PRIM1: variants seen among roughly 807,000 people sequenced by gnomAD.
PRIM1 encodes DNA primase small subunit.
Under a neutral mutation model 60.2 loss-of-function variants are expected in PRIM1, and 38 were observed. The observed-to-expected ratio is 0.63, with a 90% CI of 0.49 to 0.83. The LOEUF is 0.83. Ranked by LOEUF, PRIM1 falls within the 40% of genes least tolerant of loss-of-function variation. PRIM1 has a pLI of 0.00. For missense variants in PRIM1, 388 were observed against 506.2 expected (o/e 0.77, Z 2.24); for synonymous variants, 158 against 160.2 (o/e 0.99, Z 0.10).
At chr12:56,744,019 C>G (rs73337095) in intron 6 of PRIM1, 46 bp downstream of exon 6, 9 of 1,361,792 alleles carry the variant, frequency 6.6e-6, no homozygotes, top group Non-Finnish European at 8.1e-6. Context: ...AGGCACATGC[C>G]GGTAAATCAG....
chr12:56,741,652 G>A (rs991139528), intron 8 of PRIM1, 76 bp from the exon 9 acceptor site: 9 of 1,573,282 alleles, frequency 5.7e-6, no homozygotes, highest in South Asian at 3.5e-5. Context: ...TTAAAAAAAC[G>A]ATCTTCAACC....
intron 11 of PRIM1, among the ~76,000 whole-genome samples, chr12:56,734,809 A>ATT (rs1953813083): frequency 7.2e-6 from 1 of 138,050 alleles, no homozygotes; most frequent in African/African-American, 2.8e-5. Context: ...ATATACATAT[A>ATT]TTTTCTTTTT....
chr12:56,737,029 C>T (rs536353342), intron 11 of PRIM1, among the ~76,000 whole-genome samples: 83 of 151,532 alleles, frequency 5.5e-4, no homozygotes, highest in African/African-American at 1.9e-3. Flanking sequence ...CCTCTTGCCT[C>T]GGCCTCCCAA....
chr12:56,738,564 T>G (rs772783079), intron 10 of PRIM1, 39 bp from the exon 11 acceptor site: 1 of 1,546,482 alleles, frequency 6.5e-7, no homozygotes, highest in Admixed American at 2.0e-5. Flanking sequence ...TTTTTGTTTT[T>G]GTTTTTGAGA....
chr12:56,745,164 C>T (rs976177861), intron 5 of PRIM1, among the ~76,000 whole-genome samples: 2 of 151,462 alleles, frequency 1.3e-5, no homozygotes, highest in African/African-American at 4.9e-5. Flanking sequence ...GTAATCTCAG[C>T]ATTTTGGGAG....
At chr12:56,732,097 A>C (rs1414203293) in intron 12 of PRIM1, among the ~76,000 whole-genome samples, 1 of 152,234 alleles carries the variant, frequency 6.6e-6, no homozygotes, top group African/African-American at 2.4e-5. Context: ...GTATTGCTAT[A>C]ACATTGTCAC....
chr12:56,751,188 C>T lies in PRIM1; in HGVS notation c.111G>A (p.Lys37=). The T allele has an allele frequency of 9.1e-6, 14 of 1,535,974 alleles. No individual in the cohort carries two copies. Among genetic ancestry groups the T allele is most frequent in the Non-Finnish European group, 1.2e-5 (14 of 1,137,742 alleles). ...AAAATTCACGGTGTTGAAAGTAATT[C>T]TTTATCACTGCAAAATAAATGTACA... is the stretch of plus-strand genomic sequence containing the variant. The part of the protein sequence containing the change: ...YRWLNYGGVI[K]NYFQHREFSF... The change falls in exon 2 of 13, where the codon AAG becomes AAA. Residue 37 remains lysine (K), a synonymous_variant. Coordinates refer to ENST00000338193, the MANE Select transcript of PRIM1 (RefSeq NM_000946.3).
chr12:56,745,221 G>A (rs1194370777), intron 5 of PRIM1, among the ~76,000 whole-genome samples: 7 of 152,006 alleles, frequency 4.6e-5, no homozygotes, highest in Non-Finnish European at 7.4e-5. Context: ...AGAACACCCT[G>A]GGCAATATAG....
At position 56,740,970 on chromosome 12, in the gene PRIM1, C is replaced by T. The variant is rs551742402; in HGVS notation, c.982+465G>A. Among the ~76,000 whole-genome samples, 3 of 152,152 alleles carry T rather than the reference C, an allele frequency of 2.0e-5. No homozygotes were observed. The South Asian group carries it at 6.2e-4, about 32-fold the overall frequency. On this transcript the variant is annotated intron_variant, in intron 9 of 12. Transcript: ENST00000338193. ...CTGGAACTACAGGCATGCACCACCA[C>T]GTCTAGCTAATTTTTGTATTTTTTG...
chr12:56,746,126 A>G lies in PRIM1; in HGVS notation c.498T>C (p.His166=), dbSNP rs1400534356. ...TAACTGATTCATCACAGACCCAACA[A>G]TGAACACCTCTCCTTCCAGAATATA... ...LWVYSGRRGV[H]CWVCDESVRK... The change falls in exon 5 of 13, where the codon CAT becomes CAC. Residue 166 remains histidine (H), a synonymous_variant. Coordinates refer to ENST00000338193, the MANE Select transcript of PRIM1 (RefSeq NM_000946.3). The G allele has an allele frequency of 6.2e-7, 1 of 1,613,312 alleles. No homozygotes were observed. Among genetic ancestry groups the G allele is most frequent in the African/African-American group, 1.3e-5 (1 of 74,880 alleles).
At chr12:56,751,229 G>A (rs1420024911) in intron 1 of PRIM1, 34 bp from the exon 2 acceptor site, 7 of 1,433,988 alleles carry the variant, frequency 4.9e-6, no homozygotes, top group African/African-American at 2.9e-5. Flanking sequence ...AAGTTAATTT[G>A]CTACTTTATT....
intron 9 of PRIM1, 64 bp from the exon 10 acceptor site, chr12:56,739,427 C>A: frequency 8.7e-7 from 1 of 1,154,166 alleles, no homozygotes; most frequent in Admixed American, 2.7e-5. Flanking sequence ...TCATCTCCTA[C>A]AGGTTATTTT....
chr12:56,746,952 G>C lies in PRIM1; in HGVS notation c.342C>G (p.Asp114Glu), dbSNP rs1234837901. The part of the protein sequence containing the change: ...KELVFDIDMT[D>E]YDDVRRCCSS... ...TACAACATCTCCTCACATCGTCATA[G>C]TCTGTCATGTCAATGTCAAATACCA... Residue 114 changes from aspartate (D) to glutamate (E), a missense_variant, in exon 3 of 13, where the codon GAC becomes GAG. Asp to Glu is a conservative substitution (Grantham distance 45). Coordinates refer to ENST00000338193, the MANE Select transcript of PRIM1 (RefSeq NM_000946.3). 5.6e-6 allele frequency: 9 copies of C among 1,613,672 alleles called. No homozygotes were observed. Among genetic ancestry groups the C allele is most frequent in the Non-Finnish European group, 7.6e-6 (9 of 1,179,788 alleles).
At chr12:56,740,276 G>A (rs1315271746) in intron 9 of PRIM1, among the ~76,000 whole-genome samples, 2 of 152,050 alleles carry the variant, frequency 1.3e-5, no homozygotes, top group Non-Finnish European at 2.9e-5. Flanking sequence ...CCATATTTAA[G>A]TTCAGAACAA....
rs1953906661 is a variant in PRIM1, at chr12:56,746,333, T to A, written c.443-152A>T. 30 of 1,025,882 alleles carry A rather than the reference T, an allele frequency of 2.9e-5. No homozygotes were observed. In the South Asian group the frequency reaches 3.4e-4, roughly 12 times the overall value. The allele number at this position is 1,025,882 out of a possible 1,614,324, so 63.5% of individuals were successfully genotyped here. On this transcript the variant is annotated intron_variant, in intron 4 of 12. Transcript: ENST00000338193. ...CTCTGCTGGGAATTTCTTTCTTTTT[T>A]AAAAAACTATTTTATTAGGCCAGGT...
intron 6 of PRIM1, 114 bp from the exon 7 acceptor site, chr12:56,743,210 A>C: frequency 1.6e-6 from 2 of 1,244,738 alleles, no homozygotes; most frequent in Non-Finnish European, 2.1e-6. Flanking sequence ...CATTTTCAGA[A>C]CTTAACTAGG....
intron 7 of PRIM1, 30 bp from the exon 8 acceptor site, chr12:56,741,867 T>C (rs1953874779): frequency 1.3e-6 from 2 of 1,576,194 alleles, no homozygotes; most frequent in Middle Eastern, 1.7e-4. Flanking sequence ...CAGACTCATT[T>C]AGGGAACATC....
intron 9 of PRIM1, among the ~76,000 whole-genome samples, chr12:56,740,469 T>A (rs1382284884): frequency 6.6e-6 from 1 of 152,046 alleles, no homozygotes; most frequent in Non-Finnish European, 1.5e-5. Flanking sequence ...CCATATAGAA[T>A]TTAACACATC....
rs1400422431 is a variant in PRIM1, at chr12:56,752,241, G to A, written c.58C>T (p.Leu20Phe). The A allele has an allele frequency of 6.2e-7, 1 of 1,603,344 alleles. No homozygotes were observed. The highest frequency in any genetic ancestry group is 1.7e-5 in the Admixed American group (1 of 58,632). The part of the protein sequence containing the change: ...PELLKLYYRR[L>F]FPYSQYYRWL... ...CGATAGTACTGAGAGTAGGGAAAGA[G>A]CCTCCGGTAATAAAGTTTAAGCAGC... Residue 20 changes from leucine (L) to phenylalanine (F), a missense_variant, in exon 1 of 13, where the codon CTC becomes TTC. Physicochemically the swap from Leu to Phe is conservative, Grantham distance 22. This residue lies in a region of PRIM1 where 156 missense variants were observed against 175.8 expected (regional missense o/e 0.89). Transcript: ENST00000338193.
Sources: allele counts gnomAD v4.1 joint callset (sites outside exome capture counted in the v4.1 genomes callset), GRCh38; gene constraint gnomAD v4.1.1; regional missense constraint gnomAD v4.1.1; transcripts MANE v1.5; gene names NCBI Gene and HGNC (gene_info 2026-07-23, HGNC 2026-07-21).